The following SMOC2 variants were observed in gnomAD, a reference collection of about 807,000 sequenced individuals.
The protein encoded by SMOC2 is SPARC related modular calcium binding 2.
In SMOC2, 39 loss-of-function variants were observed where a neutral mutation model predicts 61.4. That is an observed-to-expected ratio of 0.64 (90% CI 0.49 to 0.83). SMOC2 has a LOEUF of 0.83. SMOC2 is among the 40% of genes least tolerant of loss of function. The pLI, the probability that SMOC2 is intolerant of heterozygous loss-of-function variation, is 0.00. For missense variants in SMOC2, 556 were observed against 592.9 expected (o/e 0.94, Z 0.65); for synonymous variants, 247 against 239.9 (o/e 1.03, Z -0.27).
At chr6:168,529,986 A>G (rs1193479774) in intron 4 of SMOC2, among the ~76,000 whole-genome samples, 1 of 152,258 alleles carries the variant, frequency 6.6e-6, no homozygotes, top group African/African-American at 2.4e-5. Flanking sequence ...CTGTCTGTAC[A>G]TGGCAGGAGT....
At chr6:168,592,424 A>G (rs75681236) in intron 7 of SMOC2, among the ~76,000 whole-genome samples, 1,861 of 100,318 alleles carry the variant, frequency 0.019, 75 homozygotes, top group Non-Finnish European at 0.028. Context: ...CCTCACGAGC[A>G]TCTTTCTAGA....
chr6:168,443,710 A>G (rs921941086), intron 1 of SMOC2, among the ~76,000 whole-genome samples: 9 of 152,050 alleles, frequency 5.9e-5, no homozygotes, highest in African/African-American at 2.2e-4. Flanking sequence ...TGGTTTTTGG[A>G]AATCTCTTTT....
At chr6:168,627,039 C>CTT in intron 9 of SMOC2, among the ~76,000 whole-genome samples, 1 of 152,322 alleles carries the variant, frequency 6.6e-6, no homozygotes, top group Middle Eastern at 3.4e-3. Context: ...AAGAGACACA[C>CTT]TCCAGGCCCC....
intron 5 of SMOC2, among the ~76,000 whole-genome samples, chr6:168,545,767 G>T (rs1783981987): frequency 6.6e-6 from 1 of 152,256 alleles, no homozygotes; most frequent in Non-Finnish European, 1.5e-5. Context: ...TCCCAGAGTG[G>T]TGACTTGGTG....
At position 168,475,890 on chromosome 6, in the gene SMOC2, T is replaced by C. The variant is rs979829485; in HGVS notation, c.85-34025T>C. On this transcript the variant is annotated intron_variant, in intron 1 of 12. Transcript: ENST00000356284. This position sits in a 1 kb window ranked among gnomAD's most constrained non-coding sequence, Gnocchi z 4.6. ...TCCAGGCGTGGGCTTCACGGGGGTC[T>C]GTGTCGTTAACTGAGGGGCAGGCAG... Among the ~76,000 whole-genome samples, 5 of 151,802 alleles carry C rather than the reference T, an allele frequency of 3.3e-5. No individual in the cohort carries two copies. Among genetic ancestry groups the C allele is most frequent in the African/African-American group, 1.2e-4 (5 of 41,352 alleles).
chr6:168,659,709 G>GTAGGTGGGGTGAGGTTGTAGATTA (rs1583194750), intron 11 of SMOC2, among the ~76,000 whole-genome samples: 2 of 11,160 alleles, frequency 1.8e-4, no homozygotes, highest in East Asian at 1.6e-3. Flanking sequence ...GGTGGAGGTT[G>GTAGGTGGGGTGAGGTTGTAGATTA]TAGGCTGAGT....
At chr6:168,570,167 C>A (rs58916588) in intron 7 of SMOC2, among the ~76,000 whole-genome samples, 17,181 of 151,854 alleles carry the variant, frequency 0.11, 1,162 homozygotes, top group African/African-American at 0.17. Context: ...AGCTCTGGAA[C>A]TGGGTTAAGG....
chr6:168,602,907 G>A (rs886463061), intron 8 of SMOC2, among the ~76,000 whole-genome samples: 2 of 152,156 alleles, frequency 1.3e-5, no homozygotes, highest in Admixed American at 6.5e-5. Context: ...AGAGATGAGT[G>A]TGGTGTGTTT....
intron 7 of SMOC2, among the ~76,000 whole-genome samples, chr6:168,582,971 C>T (rs561108297): frequency 4.6e-5 from 7 of 152,166 alleles, no homozygotes; most frequent in South Asian, 2.1e-4. Context: ...TCAAGACTCA[C>T]GCCAGACTCG....
chr6:168,505,629 T>C (rs1755374336), intron 1 of SMOC2, among the ~76,000 whole-genome samples: 2 of 152,232 alleles, frequency 1.3e-5, no homozygotes, highest in Admixed American at 6.5e-5. Context: ...TGGGAGAAAA[T>C]GTCCTGTGGA....
chr6:168,659,693 G>GAT (rs1562410890), intron 11 of SMOC2, among the ~76,000 whole-genome samples: 1 of 70,694 alleles, frequency 1.4e-5, no homozygotes, highest in African/African-American at 5.5e-5. Flanking sequence ...TTGTAGGTAG[G>GAT]GTGAGGGTGG....
chr6:168,467,309 G>C (rs1420688442), intron 1 of SMOC2, among the ~76,000 whole-genome samples: 1 of 132,492 alleles, frequency 7.5e-6, no homozygotes. Context: ...ACCCTGCTAA[G>C]GTTTTTTTTT....
chr6:168,560,167 T>C (rs1230620613), intron 7 of SMOC2, among the ~76,000 whole-genome samples: 2 of 152,260 alleles, frequency 1.3e-5, no homozygotes, highest in African/African-American at 2.4e-5. Flanking sequence ...TCCCCTTTTA[T>C]GTACCTGCAG....
chr6:168,521,103 A>G (rs1204569012), intron 2 of SMOC2, among the ~76,000 whole-genome samples: 1 of 152,194 alleles, frequency 6.6e-6, no homozygotes, highest in African/African-American at 2.4e-5. Context: ...CACTGTTTTC[A>G]TTTCTACTTT....
intron 9 of SMOC2, among the ~76,000 whole-genome samples, chr6:168,648,722 A>G (rs1292651152): frequency 1.3e-5 from 2 of 152,186 alleles, no homozygotes; most frequent in African/African-American, 4.8e-5. Flanking sequence ...GCACTCTCAG[A>G]ACCCCCCTGG....
intron 9 of SMOC2, among the ~76,000 whole-genome samples, chr6:168,614,431 G>A (rs1785992671): frequency 2.4e-5 from 2 of 83,986 alleles, no homozygotes; most frequent in African/African-American, 5.1e-5. Context: ...CCAGCACAGG[G>A]CCTCTTCACA....
At chr6:168,449,038 G>A (rs993363168) in intron 1 of SMOC2, among the ~76,000 whole-genome samples, 22 of 152,172 alleles carry the variant, frequency 1.4e-4, no homozygotes, top group Admixed American at 1.4e-3. Flanking sequence ...TAATTACCTG[G>A]TTTTTTCTTT....
chr6:168,661,495 G>A (rs1032804714), intron 11 of SMOC2, among the ~76,000 whole-genome samples: 2 of 152,132 alleles, frequency 1.3e-5, no homozygotes, highest in African/African-American at 2.4e-5. Flanking sequence ...CCAGCTACTC[G>A]GGAGGCTGAG....
rs758079070 is a variant in SMOC2, at chr6:168,509,926, G to A, written c.96G>A (p.Val32=). 2.5e-6 allele frequency: 4 copies of A among 1,596,428 alleles called. No individual in the cohort carries two copies. The highest frequency in any genetic ancestry group is 2.6e-6 in the Non-Finnish European group (3 of 1,167,832). Residue 32 remains valine (V), a synonymous_variant, in exon 2 of 13, where the codon GTG becomes GTA. Transcript: ENST00000356284. The part of the protein sequence containing the change: ...QKFSALTFLR[V]DQDKDKDCSL... ...TTTTCTCCTTTAAGTTTTTGAGAGT[G>A]GATCAAGATAAAGACAAGGATTGTA...
Sources: allele counts gnomAD v4.1 joint callset (sites outside exome capture counted in the v4.1 genomes callset), GRCh38; gene constraint gnomAD v4.1.1; non-coding constraint Gnocchi (gnomAD v3.1); transcripts MANE v1.5; gene names NCBI Gene and HGNC (gene_info 2026-07-23, HGNC 2026-07-21).